KCNH1: variants seen among roughly 807,000 people sequenced by gnomAD.
KCNH1 encodes the protein potassium voltage-gated channel subfamily H member 1.
KCNH1 carries 27 observed loss-of-function variants against 69.2 expected under a neutral mutation model. The ratio of observed to expected loss-of-function variants is 0.39; its 90% CI spans 0.29 to 0.54. The LOEUF is 0.54. KCNH1 is among the 20% of genes least tolerant of loss of function. KCNH1 has a pLI of 0.68. For synonymous variants in KCNH1, 456 were observed against 487.7 expected (o/e 0.93, Z 0.86); for missense variants, 798 against 1,261.6 (o/e 0.63, Z 5.57).
rs1684914923 is a variant in KCNH1, at chr1:210,820,877, G to A, written c.1463-16711C>T. Among the ~76,000 whole-genome samples, 3 of 152,096 alleles carry A rather than the reference G, an allele frequency of 2.0e-5. No individual in the cohort carries two copies. In the South Asian group the frequency reaches 6.2e-4, roughly 31 times the overall value. ...CTCTAGATGCTGAGAAAGACCAGGG[G>A]ACAGATTCTTCCCCTGAAGCCTCCA... On this transcript the variant is annotated intron_variant, in intron 7 of 10. Coordinates refer to ENST00000271751, the MANE Select transcript of KCNH1 (RefSeq NM_172362.3).
intron 7 of KCNH1, among the ~76,000 whole-genome samples, chr1:210,875,558 T>A (rs1282039253): frequency 6.6e-6 from 1 of 152,162 alleles, no homozygotes; most frequent in Non-Finnish European, 1.5e-5. Context: ...ATCCCAGCAC[T>A]TTGGGAGGCC....
At chr1:211,057,396 G>T (rs1257455474) in intron 5 of KCNH1, among the ~76,000 whole-genome samples, 1 of 152,194 alleles carries the variant, frequency 6.6e-6, no homozygotes, top group African/African-American at 2.4e-5. Context: ...AGTACTTTGG[G>T]AGGCCAAGGC....
At chr1:210,956,745 G>A (rs963067553) in intron 6 of KCNH1, among the ~76,000 whole-genome samples, 5 of 151,920 alleles carry the variant, frequency 3.3e-5, no homozygotes, top group African/African-American at 1.2e-4. Context: ...TATTTCTGTG[G>A]GATTGGTGGT....
In KCNH1 at chr1:210,684,080, T is replaced by A. The variant is rs756028477; in HGVS notation, c.2171A>T (p.Lys724Met). 62 of 1,519,028 alleles carry A rather than the reference T, an allele frequency of 4.1e-5. No homozygotes were observed. Among genetic ancestry groups the A allele is most frequent in the Non-Finnish European group, 5.4e-5 (61 of 1,133,704 alleles). 94.1% of individuals were successfully genotyped at this position (1,519,028 alleles called of 1,614,324 possible). A position where few individuals can be genotyped will look rare whatever the true frequency, so the allele number is the denominator to read the frequency against. ...GGGCAAGATCAGGGGGGCCTCATTCTTTCGTTTCATGCGTTCTTCCTCTTC... is the reference window on the plus strand; with the variant it reads ...GGGCAAGATCAGGGGGGCCTCATTCATTCGTTTCATGCGTTCTTCCTCTTC... ...KREEEERMKR[K>M]NEAPLILPPD... Residue 724 changes from lysine (K) to methionine (M), a missense_variant, in exon 11 of 11, where the codon AAG becomes ATG. Lys to Met is a moderately conservative substitution (Grantham distance 95). Coordinates refer to ENST00000271751, the MANE Select transcript of KCNH1 (RefSeq NM_172362.3).
At position 211,103,570 on chromosome 1, in the gene KCNH1, G is replaced by C. The variant is rs751940352; in HGVS notation, c.236C>G (p.Thr79Arg). ...FMYGELTDKDTIEKVRQTFEN... is the reference protein window; with the variant it reads ...FMYGELTDKDRIEKVRQTFEN... ...AAATGTTTGCCGCACTTTTTCAATC[G>C]TGTCTTTATCAGTCAGCTCCCCATA... Residue 79 changes from threonine to arginine, a missense_variant, in exon 3 of 11, where the codon ACG becomes AGG. Around this residue, in one of 4 missense-constraint regions of KCNH1, gnomAD observed 266 missense variants for 457.2 expected, o/e 0.58. Transcript: ENST00000271751. 1 of 1,612,874 alleles carries C rather than the reference G, an allele frequency of 6.2e-7. No homozygotes were observed. Among genetic ancestry groups the C allele is most frequent in the South Asian group, 1.1e-5 (1 of 90,782 alleles).
At chr1:211,026,114 G>A (rs533743940) in intron 5 of KCNH1, among the ~76,000 whole-genome samples, 10 of 152,110 alleles carry the variant, frequency 6.6e-5, no homozygotes, top group Admixed American at 1.3e-4. Context: ...CAAGAATACA[G>A]CAAATAAATG....
chr1:211,100,373 G>A (rs1571646692), intron 3 of KCNH1, among the ~76,000 whole-genome samples: 1 of 152,238 alleles, frequency 6.6e-6, no homozygotes, highest in East Asian at 1.9e-4. Context: ...TTGGGAGACA[G>A]AGTGAGTCTC....
chr1:210,969,662 C>G (rs1017147412), intron 6 of KCNH1, among the ~76,000 whole-genome samples: 1 of 152,054 alleles, frequency 6.6e-6, no homozygotes, highest in Non-Finnish European at 1.5e-5. Flanking sequence ...GCCTTCTCAC[C>G]AAAGTTTTAT....
At chr1:210,820,827 A>G (rs1027495030) in intron 7 of KCNH1, among the ~76,000 whole-genome samples, 1 of 152,082 alleles carries the variant, frequency 6.6e-6, no homozygotes, top group Non-Finnish European at 1.5e-5. Context: ...GAGGATGGTG[A>G]CACAAGACAA....
chr1:211,082,775 C>T lies in KCNH1; in HGVS notation c.558+5G>A, dbSNP rs199659908. The stretch of plus-strand genomic sequence containing the variant: ...GCTCAAGATGAGCTAACCCTTTGCC[C>T]TTACCTCTGCCAGGCGGGAGTGCTT... On this transcript the variant is annotated splice_donor_5th_base_variant and intron_variant, in intron 5 of 10. Coordinates refer to ENST00000271751, the MANE Select transcript of KCNH1 (RefSeq NM_172362.3). 1.2e-6 allele frequency: 2 copies of T among 1,611,328 alleles called. No individual in the cohort carries two copies. Among genetic ancestry groups the T allele is most frequent in the South Asian group, 1.1e-5 (1 of 90,800 alleles).
chr1:210,836,326 T>C (rs1685282419), intron 7 of KCNH1, among the ~76,000 whole-genome samples: 1 of 152,164 alleles, frequency 6.6e-6, no homozygotes, highest in African/African-American at 2.4e-5. Flanking sequence ...CTCTAATTAT[T>C]TGTGCTGAAA....
intron 7 of KCNH1, among the ~76,000 whole-genome samples, chr1:210,868,537 C>T (rs973977257): frequency 2.6e-5 from 4 of 151,932 alleles, no homozygotes; most frequent in African/African-American, 9.7e-5. Context: ...AGTATACTAC[C>T]TATTTCAAGT....
At chr1:211,051,271 T>C (rs1292126937) in intron 5 of KCNH1, among the ~76,000 whole-genome samples, 1 of 152,184 alleles carries the variant, frequency 6.6e-6, no homozygotes, top group East Asian at 1.9e-4. Flanking sequence ...GTTCTGTGAT[T>C]ACAGGCGTGA....
chr1:210,870,178 T>G (rs1382143004), intron 7 of KCNH1, among the ~76,000 whole-genome samples: 1 of 151,996 alleles, frequency 6.6e-6, no homozygotes, highest in East Asian at 1.9e-4. Flanking sequence ...TTTTGTCTGG[T>G]TTTCTAGTTG....
chr1:210,969,564 T>C (rs1287788322), intron 6 of KCNH1, among the ~76,000 whole-genome samples: 1 of 152,076 alleles, frequency 6.6e-6, no homozygotes, highest in Non-Finnish European at 1.5e-5. Context: ...CATACTGCTC[T>C]AAATGCTTAA....
At chr1:211,119,947 C>A (rs1357518670) in intron 1 of KCNH1, among the ~76,000 whole-genome samples, 1 of 152,142 alleles carries the variant, frequency 6.6e-6, no homozygotes, top group Non-Finnish European at 1.5e-5. Flanking sequence ...TGACCTCCAT[C>A]TTCATTCAGC....
At chr1:210,752,869 T>G (rs1198124955) in intron 10 of KCNH1, among the ~76,000 whole-genome samples, 1 of 152,102 alleles carries the variant, frequency 6.6e-6, no homozygotes. Flanking sequence ...GAAATCATCT[T>G]GCATTTAGAG....
At chr1:210,795,846 G>T (rs1336176574) in intron 9 of KCNH1, among the ~76,000 whole-genome samples, 1 of 151,918 alleles carries the variant, frequency 6.6e-6, no homozygotes, top group Non-Finnish European at 1.5e-5. Flanking sequence ...TCAGAGGCTG[G>T]GTGTGGTGGC....
At chr1:210,691,065 T>A (rs971266800) in intron 10 of KCNH1, among the ~76,000 whole-genome samples, 33 of 152,244 alleles carry the variant, frequency 2.2e-4, no homozygotes, top group African/African-American at 6.8e-4. Context: ...AGAACTGTTA[T>A]GAGGATTAAG....
Sources: gnomAD v4.1 joint callset for allele counts (sites outside exome capture counted in the v4.1 genomes callset) on GRCh38, gnomAD v4.1.1 for gene constraint, gnomAD v4.1.1 regional missense constraint, MANE v1.5 for transcripts, NCBI Gene and HGNC (gene_info 2026-07-23, HGNC 2026-07-21) for gene names.